The following DNPEP variants were observed in gnomAD, a reference collection of about 807,000 sequenced individuals.
DNPEP encodes the protein aspartyl aminopeptidase.
A neutral mutation model predicts 59.1 loss-of-function variants in DNPEP; 46 were observed. That is an observed-to-expected ratio of 0.78 (90% CI 0.61 to 0.99). The LOEUF (loss-of-function observed/expected upper bound fraction) is 0.99. Ranked by LOEUF, DNPEP falls within the 50% of genes least tolerant of loss-of-function variation. The pLI is 0.00. For synonymous variants in DNPEP, 229 were observed against 242.2 expected, an observed-to-expected ratio of 0.95 and a Z score of 0.50; for missense variants, 617 against 649.9, an observed-to-expected ratio of 0.95 and a Z score of 0.55.
chr2:219,379,545 T>C (rs186572101), intron 13 of DNPEP, among the ~76,000 whole-genome samples: 1 of 152,278 alleles, frequency 6.6e-6, no homozygotes, highest in Admixed American at 6.5e-5. Context: ...AGAAAATACT[T>C]TTGAATAGCT....
At chr2:219,385,354 G>T in intron 8 of DNPEP, 70 bp downstream of exon 8, 1 of 1,036,286 alleles carries the variant, frequency 9.6e-7, no homozygotes, top group Non-Finnish European at 1.5e-6. Flanking sequence ...GGGTGCTTCA[G>T]CAGGACGGGC....
upstream of DNPEP, among the ~76,000 whole-genome samples, chr2:219,390,917 A>C (rs1954007125): frequency 6.6e-6 from 1 of 152,206 alleles, no homozygotes; most frequent in Non-Finnish European, 1.5e-5. Context: ...GGGTAATATC[A>C]AGTGTTGGAG....
rs978454620 is a variant in DNPEP, at chr2:219,374,705, A to G, written c.1407+150T>C. ...GCATGAGCCACTGTGGTTGGCCAGG[A>G]CCCTTGTTTTCCTACATGGCCCCAG... On this transcript the variant is annotated intron_variant, in intron 14 of 14. Transcript: ENST00000273075. 16 of 938,366 alleles carry G rather than the reference A, an allele frequency of 1.7e-5. No individual in the cohort carries two copies. The African/African-American group carries it at 1.8e-4, about 11-fold the overall frequency. The allele number at this position is 938,366 out of a possible 1,614,324, so 58.1% of individuals were successfully genotyped here. A position where few individuals can be genotyped will look rare whatever the true frequency, so the allele number is the denominator to read the frequency against.
rs941126912 is a variant in DNPEP at position 219,374,097 on chromosome 2, GCCT to G, written c.*192_*194del. 8 of 580,472 alleles carry G rather than the reference GCCT, an allele frequency of 1.4e-5. No individual in the cohort carries two copies. The highest frequency in any genetic ancestry group is 2.5e-5 in the Non-Finnish European group (8 of 324,344). The allele number at this position is 580,472 out of a possible 1,614,324, so 36.0% of individuals were successfully genotyped here. A position where few individuals can be genotyped will look rare whatever the true frequency, so the allele number is the denominator to read the frequency against. On this transcript the variant is annotated 3_prime_UTR_variant, in exon 15 of 15. Transcript: ENST00000273075. ...AAAACCATCAGCTCCCAGGAGTGTG[GCCT>G]CCTCCACCTGCTCCCCAACTTTTCT...
chr2:219,378,099 T>C (rs1953446046), intron 13 of DNPEP, among the ~76,000 whole-genome samples: 1 of 152,232 alleles, frequency 6.6e-6, no homozygotes, highest in South Asian at 2.1e-4. Context: ...AGATTAGTGT[T>C]TTATTTTCTC....
rs1953919801 is a variant in DNPEP at position 219,387,850 on chromosome 2, C to CT, written c.-57dup. 6.6e-7 allele frequency: 1 copy of CT among 1,513,626 alleles called. No individual in the cohort carries two copies. The highest frequency in any genetic ancestry group is 8.8e-7 in the Non-Finnish European group (1 of 1,134,102). 93.8% of individuals were successfully genotyped at this position (1,513,626 alleles called of 1,614,324 possible). A position where few individuals can be genotyped will look rare whatever the true frequency, so the allele number is the denominator to read the frequency against. ...CGCCGCCTGCCCCGCCCCTCACTAGCTTTGCAGGTCCCCCGCGTGCCCCTT... is the reference window on the plus strand; with the variant it reads ...CGCCGCCTGCCCCGCCCCTCACTAGCTTTTGCAGGTCCCCCGCGTGCCCCTT... On this transcript the variant is annotated 5_prime_UTR_variant, in exon 1 of 15. Transcript: ENST00000273075.
intron 4 of DNPEP, 98 bp downstream of exon 4, chr2:219,386,567 C>G: frequency 6.9e-7 from 1 of 1,441,178 alleles, no homozygotes; most frequent in Non-Finnish European, 9.5e-7. Flanking sequence ...CTCCCTTACT[C>G]CAGGGGATAG....
chr2:219,384,550 C>A, intron 8 of DNPEP, 107 bp from the exon 9 acceptor site: 1 of 843,902 alleles, frequency 1.2e-6, no homozygotes, highest in Non-Finnish European at 1.9e-6. Flanking sequence ...TCCCTGACCC[C>A]TGGCTTAGGG....
upstream of DNPEP, among the ~76,000 whole-genome samples, chr2:219,390,694 G>C (rs1954003101): frequency 6.6e-6 from 1 of 152,180 alleles, no homozygotes; most frequent in African/African-American, 2.4e-5. Context: ...GCTGGACATG[G>C]TGGTGTGCAC....
upstream of DNPEP, among the ~76,000 whole-genome samples, chr2:219,391,872 TA>T (rs5838738): frequency 0.024 from 3,371 of 138,542 alleles, 134 homozygotes; most frequent in African/African-American, 0.087. Context: ...TAGCAGTTCA[TA>T]AAAAAAAAAA....
intron 1 of DNPEP, chr2:219,387,405 T>A: frequency 1.4e-6 from 2 of 1,435,484 alleles, no homozygotes; most frequent in Non-Finnish European, 1.8e-6. Flanking sequence ...CCCGACTCCC[T>A]AAGTCCCGCC....
In DNPEP at chr2:219,387,774, C is replaced by T. The variant is rs1023597541; in HGVS notation, c.21G>A (p.Thr7=). The T allele has an allele frequency of 1.1e-5, 18 of 1,603,936 alleles. No homozygotes were observed. The highest frequency in any genetic ancestry group is 1.5e-5 in the Non-Finnish European group (18 of 1,176,040). MSGHSP[T]RGAMQVAMNG... ...AGCCACTTACCTGCATGGCCCCGCG[C>T]GTGGGGCTGTGTCCGCTCATCTGGC... Residue 7 remains threonine, a synonymous_variant, in exon 1 of 15, where the codon ACG becomes ACA. Transcript: ENST00000273075.
chr2:219,396,459 G>A (rs913983584), intron 1 of DNPEP, among the ~76,000 whole-genome samples: 1 of 151,844 alleles, frequency 6.6e-6, no homozygotes, highest in Non-Finnish European at 1.5e-5. Flanking sequence ...ATGGTAGCGG[G>A]CACCTGTAAT....
intron 1 of DNPEP, 166 bp downstream of exon 1, chr2:219,387,593 T>C (rs1186550987): frequency 6.6e-7 from 1 of 1,524,312 alleles, no homozygotes; most frequent in South Asian, 1.2e-5. Flanking sequence ...CTCGCAGGAC[T>C]CCCCCTTCCA....
intron 1 of DNPEP, chr2:219,399,389 G>A (rs1393405918): frequency 2.2e-6 from 1 of 456,176 alleles, no homozygotes; most frequent in East Asian, 6.9e-5. Flanking sequence ...AGTGTTTAGG[G>A]TGCGAATCCC....
intron 13 of DNPEP, among the ~76,000 whole-genome samples, chr2:219,375,744 T>C (rs1319207837): frequency 6.6e-6 from 1 of 152,126 alleles, no homozygotes; most frequent in Non-Finnish European, 1.5e-5. Flanking sequence ...GTATTTTCAG[T>C]AGAGACGAGA....
rs559926444 is a variant in DNPEP at position 219,387,255 on chromosome 2, A to C, written c.37-92T>G. Reference sequence around the variant, plus strand: ...GGATTCTCCCATCCCCACCCCCAGAAGTGACCACTCTAAGGCACAGACCTC... The same window carrying C: ...GGATTCTCCCATCCCCACCCCCAGACGTGACCACTCTAAGGCACAGACCTC... On this transcript the variant is annotated intron_variant, in intron 1 of 14. Coordinates refer to ENST00000273075, the MANE Select transcript of DNPEP (RefSeq NM_012100.4). The C allele has an allele frequency of 2.1e-4, 312 of 1,515,938 alleles. 1 individual carries two copies. In the South Asian group the frequency reaches 3.7e-3, roughly 18 times the overall value. 93.9% of individuals were successfully genotyped at this position (1,515,938 alleles called of 1,614,324 possible).
At chr2:219,387,463 G>C in intron 1 of DNPEP, 1 of 1,431,338 alleles carries the variant, frequency 7.0e-7, no homozygotes, top group Non-Finnish European at 9.2e-7. Context: ...CCCAAACTCC[G>C]GGATCCCAAG....
At chr2:219,382,940 A>T (rs1953659733) in intron 10 of DNPEP, among the ~76,000 whole-genome samples, 191 bp downstream of exon 10, 1 of 152,224 alleles carries the variant, frequency 6.6e-6, no homozygotes, top group Non-Finnish European at 1.5e-5. Flanking sequence ...GAGATACAGG[A>T]GAGACGGTCA....
Sources: gnomAD v4.1 joint callset for allele counts (sites outside exome capture counted in the v4.1 genomes callset) on GRCh38, gnomAD v4.1.1 for gene constraint, MANE v1.5 for transcripts, NCBI Gene and HGNC (gene_info 2026-07-23, HGNC 2026-07-21) for gene names.